Variants in SKAP1 observed in about 807,000 individuals in gnomAD.
SKAP1 encodes the protein src kinase-associated phosphoprotein 1.
Under a neutral mutation model 58.5 loss-of-function variants are expected in SKAP1, and 44 were observed. That is an observed-to-expected ratio of 0.75 (90% CI 0.59 to 0.97). The LOEUF is 0.97. Ranked by LOEUF, SKAP1 falls within the 50% of genes least tolerant of loss-of-function variation. The pLI is 0.00. For synonymous variants in SKAP1, 127 were observed against 149.7 expected (o/e 0.85, Z 1.11); for missense variants, 390 against 435.2 (o/e 0.90, Z 0.92).
At chr17:48,389,294 T>C (rs905601070) in intron 2 of SKAP1, among the ~76,000 whole-genome samples, 3 of 152,210 alleles carry the variant, frequency 2.0e-5, no homozygotes, top group Non-Finnish European at 4.4e-5. Flanking sequence ...GAGCTGTTTG[T>C]TCCCCTACAC....
chr17:48,212,974 A>G (rs1232747020), intron 4 of SKAP1, among the ~76,000 whole-genome samples: 3 of 152,094 alleles, frequency 2.0e-5, no homozygotes, highest in Admixed American at 6.6e-5. Flanking sequence ...ACCCCTGGCT[A>G]GTTATTCTGA....
At chr17:48,264,303 G>A (rs750971361) in intron 4 of SKAP1, among the ~76,000 whole-genome samples, 3 of 149,244 alleles carry the variant, frequency 2.0e-5, no homozygotes, top group Non-Finnish European at 2.9e-5. Context: ...GTCTTACTAT[G>A]TTCTACCTAA....
chr17:48,280,359 A>G (rs1440690393), intron 4 of SKAP1, among the ~76,000 whole-genome samples: 1 of 151,934 alleles, frequency 6.6e-6, no homozygotes, highest in African/African-American at 2.4e-5. Flanking sequence ...AATTCCAGCT[A>G]CTTGGGAGGC....
chr17:48,274,670 C>T (rs1001315478), intron 4 of SKAP1, among the ~76,000 whole-genome samples: 2 of 151,108 alleles, frequency 1.3e-5, no homozygotes, highest in Admixed American at 6.6e-5. Flanking sequence ...CACTCCAGCC[C>T]GGGCAACAAG....
chr17:48,424,957 G>T (rs7212398), intron 1 of SKAP1, among the ~76,000 whole-genome samples: 13,226 of 143,094 alleles, frequency 0.092, 903 homozygotes, highest in Admixed American at 0.17. Flanking sequence ...AAAAGAAAAA[G>T]AAAATGAAAA....
At chr17:48,170,712 CTTTTT>C in intron 9 of SKAP1, 53 bp from the exon 10 acceptor site, 2 of 1,103,628 alleles carry the variant, frequency 1.8e-6, no homozygotes. Context: ...GTCTCATGTT[CTTTTT>C]TTTTTTTTTC....
intron 4 of SKAP1, among the ~76,000 whole-genome samples, chr17:48,306,083 C>G (rs1223867324): frequency 3.9e-5 from 6 of 152,118 alleles, no homozygotes; most frequent in African/African-American, 1.2e-4. Context: ...CTTTCTAAAA[C>G]AGGATAATAG....
chr17:48,228,050 T>C (rs2065088007), intron 4 of SKAP1, among the ~76,000 whole-genome samples: 1 of 152,166 alleles, frequency 6.6e-6, no homozygotes, highest in Non-Finnish European at 1.5e-5. Flanking sequence ...TATTATGACA[T>C]ATATTTAATA....
chr17:48,289,205 GT>G (rs900750822), intron 4 of SKAP1, among the ~76,000 whole-genome samples: 10 of 151,924 alleles, frequency 6.6e-5, no homozygotes, highest in African/African-American at 2.4e-4. Context: ...AAGAAATAAA[GT>G]TTTCAAGACT....
At chr17:48,214,498 T>C (rs2064912401) in intron 4 of SKAP1, among the ~76,000 whole-genome samples, 2 of 152,316 alleles carry the variant, frequency 1.3e-5, no homozygotes, top group Non-Finnish European at 2.9e-5. Context: ...GGTCTCAAAC[T>C]CTTGGGTTCA....
intron 4 of SKAP1, among the ~76,000 whole-genome samples, chr17:48,318,351 A>G (rs1567865878): frequency 6.6e-6 from 1 of 152,324 alleles, no homozygotes; most frequent in East Asian, 1.9e-4. Context: ...CCAAAGCAGG[A>G]GGCTGGCTCA....
rs188683511 is a variant in SKAP1, at chr17:48,417,942, T to C, written c.46+12133A>G. 9.4e-4 allele frequency among the ~76,000 whole-genome samples: 143 copies of C among 152,108 alleles called. 1 individual carries two copies. Among genetic ancestry groups the C allele is most frequent in the Non-Finnish European group, 1.9e-3 (132 of 67,982 alleles). ...ATATACACATAGATAGATGGATAGA[T>C]TGATTTGCATGAAAAAGTCTCCAAC... On this transcript the variant is annotated intron_variant, in intron 1 of 12. Transcript: ENST00000336915.
chr17:48,179,166 C>G (rs963362023), intron 9 of SKAP1, among the ~76,000 whole-genome samples: 7 of 152,342 alleles, frequency 4.6e-5, no homozygotes, highest in Non-Finnish European at 8.8e-5. Flanking sequence ...CTGGGTTCAT[C>G]TGGGATCTAA....
intron 4 of SKAP1, among the ~76,000 whole-genome samples, chr17:48,319,756 C>T (rs1395286249): frequency 2.6e-5 from 4 of 152,094 alleles, no homozygotes; most frequent in Admixed American, 1.3e-4. Flanking sequence ...GTGGGAGGAT[C>T]ACCTGAGCCT....
Position 48,222,836 on chromosome 17 carries a change from C to T in SKAP1, c.281-33336G>A, listed in dbSNP as rs188904693. Among the ~76,000 whole-genome samples the T allele has an allele frequency of 4.6e-5, 7 of 150,714 alleles. No homozygotes were observed. The East Asian group carries it at 6.0e-4, about 13-fold the overall frequency. ...ATGCCAGCACTTTGGGAGGCTGAGG[C>T]GGGTGGATCACGAGGTCAGGAGTTC... On this transcript the variant is annotated intron_variant, in intron 4 of 12. Coordinates refer to ENST00000336915, the MANE Select transcript of SKAP1 (RefSeq NM_003726.4).
intron 2 of SKAP1, among the ~76,000 whole-genome samples, chr17:48,395,858 C>T (rs1482129577): frequency 2.6e-5 from 4 of 152,188 alleles, no homozygotes; most frequent in Admixed American, 2.6e-4. Context: ...TTCTCTGCTT[C>T]TATGGAGTTT....
Position 48,400,353 on chromosome 17 carries a change from C to G in SKAP1, c.47-3568G>C, listed in dbSNP as rs192055593. On this transcript the variant is annotated intron_variant, in intron 1 of 12. Transcript: ENST00000336915. Reference sequence around the variant, plus strand: ...ACCTCAGGTGATCCACCCGCCTGGGCCTCCCAAAGTGCTGGGATTACAGGT... The same window carrying G: ...ACCTCAGGTGATCCACCCGCCTGGGGCTCCCAAAGTGCTGGGATTACAGGT... 5.0e-4 allele frequency among the ~76,000 whole-genome samples: 76 copies of G among 152,202 alleles called. 1 individual carries two copies. Among genetic ancestry groups the G allele is most frequent in the Admixed American group, 1.3e-3 (20 of 15,284 alleles).
intron 7 of SKAP1, 77 bp from the exon 8 acceptor site, chr17:48,182,534 A>C: frequency 1.0e-6 from 1 of 988,926 alleles, no homozygotes; most frequent in East Asian, 2.5e-5. Flanking sequence ...TCCAAGGGGG[A>C]GGAACCACTG....
intron 4 of SKAP1, among the ~76,000 whole-genome samples, chr17:48,303,732 T>C (rs1244116959): frequency 6.6e-6 from 1 of 152,198 alleles, no homozygotes; most frequent in African/African-American, 2.4e-5. Context: ...TTGACTCCAA[T>C]GGGTATTTCC....
Sources: gnomAD v4.1 joint callset for allele counts (sites outside exome capture counted in the v4.1 genomes callset) on GRCh38, gnomAD v4.1.1 for gene constraint, MANE v1.5 for transcripts, NCBI Gene and HGNC (gene_info 2026-07-23, HGNC 2026-07-21) for gene names.